PXDN: variants seen among roughly 807,000 people sequenced by gnomAD.
PXDN encodes peroxidasin homolog.
A neutral mutation model predicts 140.3 loss-of-function variants in PXDN; 77 were observed. The observed-to-expected ratio is 0.55, with a 90% CI of 0.46 to 0.66. The LOEUF (loss-of-function observed/expected upper bound fraction) is 0.66, where lower values mean the gene tolerates loss of function less well. PXDN is among the 30% of genes least tolerant of loss of function. The pLI, the probability that PXDN is intolerant of heterozygous loss-of-function variation, is 0.00. For synonymous variants in PXDN, 911 were observed against 857.4 expected (o/e 1.06, Z -1.09); for missense variants, 1,838 against 2,039.5 (o/e 0.90, Z 1.90).
chr2:1,719,048 G>A (rs553918914), intron 1 of PXDN, among the ~76,000 whole-genome samples: 73 of 152,396 alleles, frequency 4.8e-4, no homozygotes, highest in African/African-American at 1.7e-3. Flanking sequence ...GGGCACAGCA[G>A]CCGAGCTGAG....
chr2:1,648,329 C>A lies in PXDN; in HGVS notation c.3451G>T (p.Ala1151Ser). 6 of 1,613,848 alleles carry A rather than the reference C, an allele frequency of 3.7e-6. No individual in the cohort carries two copies. Among genetic ancestry groups the A allele is most frequent in the Non-Finnish European group, 5.1e-6 (6 of 1,179,904 alleles). Residue 1151 changes from alanine (A) to serine (S), a missense_variant, in exon 17 of 23, where the codon GCT becomes TCT. Physicochemically the swap from Ala to Ser is moderately conservative, Grantham distance 99. Around this residue, in one of 5 missense-constraint regions of PXDN, gnomAD observed 850 missense variants for 894.1 expected, o/e 0.95. Coordinates refer to ENST00000252804, the MANE Select transcript of PXDN (RefSeq NM_012293.3). The surrounding 1 kb of genome is among the most constrained non-coding windows in gnomAD (Gnocchi z 8.9). Reference protein sequence around the residue: ...ERLFSMAHTVALDLAAINIQR... With the variant: ...ERLFSMAHTVSLDLAAINIQR... ...ATGTTGATGGCCGCCAGGTCCAGAG[C>A]CACCGTGTGTGCCATGGAGAACAGC...
intron 16 of PXDN, 167 bp downstream of exon 16, chr2:1,653,461 G>A (rs1343875833): frequency 1.9e-6 from 2 of 1,036,322 alleles, no homozygotes; most frequent in Admixed American, 4.0e-5. Flanking sequence ...GAGCGACAGG[G>A]CTGTAGGGCT....
chr2:1,661,077 C>CT (rs2125423070), intron 13 of PXDN, 40 bp from the exon 14 acceptor site: 1 of 1,610,180 alleles, frequency 6.2e-7, no homozygotes. Context: ...AGAAATAAGA[C>CT]TAAGAAGCAG....
In PXDN at chr2:1,658,062, CTCTCTCTCTCTCTCTCTCTCT is replaced by C. The variant is rs1558494375; in HGVS notation, c.1837+2798_1837+2818del. On this transcript the variant is annotated intron_variant, in intron 14 of 22. Coordinates refer to ENST00000252804, the MANE Select transcript of PXDN (RefSeq NM_012293.3). ...TCTCTCTCTCTCTCTCTCTCTCTCT[CTCTCTCTCTCTCTCTCTCTCT>C]CTCTCTCTCTGTTACAGTGTCTGCG... Among the ~76,000 whole-genome samples, 21 of 110,774 alleles carry C rather than the reference CTCTCTCTCTCTCTCTCTCTCT, an allele frequency of 1.9e-4. 2 individuals carry two copies. The highest frequency in any genetic ancestry group is 7.1e-4 in the African/African-American group (21 of 29,422). The allele number at this position is 110,774 out of a possible 152,430, so 72.7% of individuals were successfully genotyped here.
Position 1,649,690 on chromosome 2 carries a change from A to C in PXDN, c.2105-15T>G. 1 of 1,613,302 alleles carries C rather than the reference A, an allele frequency of 6.2e-7. No individual in the cohort carries two copies. The highest frequency in any genetic ancestry group is 8.5e-7 in the Non-Finnish European group (1 of 1,179,540). ...GTAGTGGTAACCTGGGACGTGGAGA[A>C]AAGCAAGACGCACTCAATTCCCCTG... is the stretch of plus-strand genomic sequence containing the variant. On this transcript the variant is annotated splice_polypyrimidine_tract_variant and intron_variant, in intron 16 of 22. Transcript: ENST00000252804. This position sits in a 1 kb window ranked among gnomAD's most constrained non-coding sequence, Gnocchi z 7.1.
At chr2:1,713,229 A>G (rs1444923773) in intron 1 of PXDN, among the ~76,000 whole-genome samples, 2 of 152,004 alleles carry the variant, frequency 1.3e-5, no homozygotes, top group African/African-American at 4.8e-5. Context: ...CGCTCCCCAG[A>G]GCCTTGCAGA....
chr2:1,684,960 G>A (rs1480332135), intron 4 of PXDN, among the ~76,000 whole-genome samples: 1 of 152,174 alleles, frequency 6.6e-6, no homozygotes, highest in Non-Finnish European at 1.5e-5. Context: ...CATTTTCAGT[G>A]ACTACTTCTT....
intron 1 of PXDN, among the ~76,000 whole-genome samples, chr2:1,729,872 G>A (rs1328047536): frequency 3.3e-5 from 5 of 152,172 alleles, no homozygotes; most frequent in African/African-American, 1.2e-4. Flanking sequence ...GGCAGATTTG[G>A]TCATTTCAAA....
rs756898949 is a variant in PXDN at position 1,635,459 on chromosome 2, G to A, written c.4269C>T (p.His1423=). 5.6e-6 allele frequency: 9 copies of A among 1,602,722 alleles called. No homozygotes were observed. Among genetic ancestry groups the A allele is most frequent in the South Asian group, 3.4e-5 (3 of 88,824 alleles). ...TECVDAGGES[H]ANNTKWKKDA... ...CTTTTTTCCACTTGGTGTTGTTGGC[G>A]TGAGATTCGCCCCCGGCATCCACGC... The change falls in exon 22 of 23, where the codon CAC becomes CAT. Residue 1423 remains histidine, a synonymous_variant. Transcript: ENST00000252804.
intron 16 of PXDN, chr2:1,653,208 G>C (rs758481283): frequency 7.5e-5 from 24 of 318,304 alleles, no homozygotes; most frequent in Non-Finnish European, 1.2e-4. Context: ...ACAGACCCGG[G>C]ACTCTTCCAA....
chr2:1,711,506 TC>T lies in PXDN; in HGVS notation c.201-18373del, dbSNP rs1201515207. On this transcript the variant is annotated intron_variant, in intron 1 of 22. Transcript: ENST00000252804. ...GCACCCGCTCCACCAGCACCCACTC[TC>T]CACCAGCACCCACTCCACCAGCATC... 9.6e-4 allele frequency among the ~76,000 whole-genome samples: 102 copies of T among 105,786 alleles called. 6 individuals are homozygous for T. The highest frequency in any genetic ancestry group is 9.4e-4 in the Admixed American group (10 of 10,670). 69.4% of individuals were successfully genotyped at this position (105,786 alleles called of 152,430 possible). A position where few individuals can be genotyped will look rare whatever the true frequency, so the allele number is the denominator to read the frequency against.
chr2:1,662,236 A>G, intron 12 of PXDN, 52 bp from the exon 13 acceptor site: 2 of 1,463,812 alleles, frequency 1.4e-6, no homozygotes, highest in Non-Finnish European at 1.9e-6. Context: ...ACATCAAAAA[A>G]CTTCAGAAGA....
chr2:1,663,395 CA>C (rs1287875347), intron 12 of PXDN, among the ~76,000 whole-genome samples: 1 of 152,152 alleles, frequency 6.6e-6, no homozygotes, highest in African/African-American at 2.4e-5. Flanking sequence ...GAAAAATAAG[CA>C]AATGTTTTCA....
intron 2 of PXDN, among the ~76,000 whole-genome samples, 159 bp from the exon 3 acceptor site, chr2:1,692,158 C>T (rs1226353364): frequency 6.6e-6 from 1 of 152,250 alleles, no homozygotes; most frequent in Non-Finnish European, 1.5e-5. Flanking sequence ...GGACAAAACA[C>T]AGCTTTCGCG....
Position 1,660,936 on chromosome 2 carries a change from A to G in PXDN, c.1782T>C (p.Cys594=). The change falls in exon 14 of 23, where the codon TGT becomes TGC. Residue 594 remains cysteine (C), a synonymous_variant. Transcript: ENST00000252804. This position sits in a 1 kb window ranked among gnomAD's most constrained non-coding sequence, Gnocchi z 4.6. ...CCGACCCAATGGTGTTCCGGGCCAC[A>G]CACTCATAGCGACCTGCGTCTGCAG... is the stretch of plus-strand genomic sequence containing the variant. ...VGPADAGRYE[C]VARNTIGSAS... is the part of the protein sequence containing the mutation. 6.2e-7 allele frequency: 1 copy of G among 1,613,980 alleles called. No homozygotes were observed. Among genetic ancestry groups the G allele is most frequent in the South Asian group, 1.1e-5 (1 of 91,082 alleles).
At chr2:1,655,726 A>G (rs1343510886) in intron 14 of PXDN, among the ~76,000 whole-genome samples, 1 of 118,826 alleles carries the variant, frequency 8.4e-6, no homozygotes, top group African/African-American at 3.3e-5. Context: ...CCTGACTGAA[A>G]CATGCCCCCT....
chr2:1,650,233 G>A (rs911762486), intron 16 of PXDN, among the ~76,000 whole-genome samples: 20 of 152,144 alleles, frequency 1.3e-4, no homozygotes, highest in South Asian at 2.1e-4. Context: ...GTTCCTAGCC[G>A]CCGCGCCCTC....
Position 1,638,850 on chromosome 2 carries a change from G to A in PXDN, c.4202C>T (p.Thr1401Ile). 3 of 1,613,996 alleles carry A rather than the reference G, an allele frequency of 1.9e-6. No individual in the cohort carries two copies. Among genetic ancestry groups the A allele is most frequent in the East Asian group, 2.2e-5 (1 of 44,876 alleles). Reference sequence around the variant, plus strand: ...ACAGGCCGCCAGGCACCTCACCTGTGTTCTGAGGTCTGTGATGGTCTTCTG... The same window carrying A: ...ACAGGCCGCCAGGCACCTCACCTGTATTCTGAGGTCTGTGATGGTCTTCTG... Reference protein sequence around the residue: ...EMQKTITDLRTQIKKLESRLS... With the variant: ...EMQKTITDLRIQIKKLESRLS... Residue 1401 changes from threonine to isoleucine, a missense_variant, in exon 21 of 23, where the codon ACA becomes ATA. Thr to Ile is a moderately conservative substitution (Grantham distance 89). Coordinates refer to ENST00000252804, the MANE Select transcript of PXDN (RefSeq NM_012293.3).
In PXDN at chr2:1,663,690, G is replaced by C; in HGVS notation, c.1482C>G (p.Leu494=). ...SGTLRISGVA[L]HDQGQYECQA... ...GGCATTCGTACTGGCCCTGGTCGTG[G>C]AGGGCAACACCAGAGATTCTAAGTG... The change falls in exon 12 of 23, where the codon CTC becomes CTG. Residue 494 remains leucine, a synonymous_variant. Transcript: ENST00000252804. 1 of 1,613,852 alleles carries C rather than the reference G, an allele frequency of 6.2e-7. No individual in the cohort carries two copies. The highest frequency in any genetic ancestry group is 1.7e-5 in the Admixed American group (1 of 60,002).
Sources: gnomAD v4.1 joint callset for allele counts (sites outside exome capture counted in the v4.1 genomes callset) on GRCh38, gnomAD v4.1.1 for gene constraint, gnomAD v4.1.1 regional missense constraint, Gnocchi (gnomAD v3.1) non-coding constraint, MANE v1.5 for transcripts, NCBI Gene and HGNC (gene_info 2026-07-23, HGNC 2026-07-21) for gene names.